The following PDE4D variants were observed in gnomAD, a reference collection of about 807,000 sequenced individuals.
PDE4D encodes the protein 3',5'-cyclic-AMP phosphodiesterase 4D.
In PDE4D, 24 loss-of-function variants were observed where a neutral mutation model predicts 87.4. The ratio of observed to expected loss-of-function variants is 0.27; its 90% CI spans 0.20 to 0.39. The LOEUF (loss-of-function observed/expected upper bound fraction) is 0.39. Among genes scored for constraint, PDE4D ranks in the 10% least tolerant of loss-of-function variants. The pLI, the probability that PDE4D is intolerant of heterozygous loss-of-function variation, is 1.00. For synonymous variants in PDE4D, 384 were observed against 383.2 expected (o/e 1.00, Z -0.02); for missense variants, 714 against 1,041.0 (o/e 0.69, Z 4.32).
At chr5:59,663,181 T>G (rs1345924146) in intron 1 of PDE4D, among the ~76,000 whole-genome samples, 1 of 152,180 alleles carries the variant, frequency 6.6e-6, no homozygotes, top group Non-Finnish European at 1.5e-5. Context: ...TTTTTTTCCT[T>G]TGAGATGGAG....
chr5:59,019,654 C>T (rs1028653394), intron 6 of PDE4D, among the ~76,000 whole-genome samples: 1 of 152,158 alleles, frequency 6.6e-6, no homozygotes, highest in African/African-American at 2.4e-5. Flanking sequence ...GGAATACCAC[C>T]TCTTCCCTAT....
At chr5:59,654,178 T>C (rs1580184529) in intron 1 of PDE4D, among the ~76,000 whole-genome samples, 1 of 151,728 alleles carries the variant, frequency 6.6e-6, no homozygotes, top group African/African-American at 2.4e-5. Context: ...TGAACTCAGC[T>C]TGGGCAACAG....
intron 5 of PDE4D, among the ~76,000 whole-genome samples, chr5:59,145,299 T>C (rs1296243131): frequency 1.3e-5 from 2 of 152,180 alleles, no homozygotes; most frequent in Non-Finnish European, 2.9e-5. Context: ...AAACCCAGGC[T>C]GGCAGGCTGG....
At chr5:60,481,492 A>G (rs1038903178) in intron 1 of PDE4D, among the ~76,000 whole-genome samples, 1 of 152,190 alleles carries the variant, frequency 6.6e-6, no homozygotes, top group Admixed American at 6.6e-5. Context: ...GCTCAACTCC[A>G]TGCAAGAAAA....
intron 1 of PDE4D, among the ~76,000 whole-genome samples, chr5:59,837,435 C>T (rs1742293365): frequency 6.6e-6 from 1 of 152,058 alleles, no homozygotes; most frequent in South Asian, 2.1e-4. Context: ...TCATATATGT[C>T]TAGGTGTTCA....
intron 1 of PDE4D, among the ~76,000 whole-genome samples, chr5:60,281,812 G>A (rs6895120): frequency 1.3e-5 from 2 of 152,038 alleles, no homozygotes; most frequent in African/African-American, 4.8e-5. Flanking sequence ...CCTGAGGCAG[G>A]CAGATGGCTT....
intron 1 of PDE4D, among the ~76,000 whole-genome samples, chr5:59,253,183 T>A (rs959281160): frequency 2.0e-5 from 3 of 152,198 alleles, no homozygotes; most frequent in Admixed American, 6.5e-5. Flanking sequence ...TTATGCTGGC[T>A]TTACAGCAGC....
intron 2 of PDE4D, among the ~76,000 whole-genome samples, chr5:60,125,432 G>A (rs1374211892): frequency 3.2e-4 from 49 of 152,038 alleles, no homozygotes; most frequent in Admixed American, 3.2e-3. Context: ...TCTCCTGCCT[G>A]GAATACTGCA....
intron 1 of PDE4D, among the ~76,000 whole-genome samples, chr5:59,379,146 C>A (rs1421245229): frequency 7.2e-5 from 11 of 152,054 alleles, no homozygotes; most frequent in Admixed American, 7.2e-4. Context: ...AACACCCAAA[C>A]CTGAGACAAA....
At chr5:59,538,217 T>A (rs563425741) in intron 1 of PDE4D, among the ~76,000 whole-genome samples, 3 of 152,326 alleles carry the variant, frequency 2.0e-5, no homozygotes, top group African/African-American at 7.2e-5. Flanking sequence ...CCAATCACTA[T>A]GGGAGTAATC....
At chr5:59,837,328 T>C (rs1742276037) in intron 1 of PDE4D, among the ~76,000 whole-genome samples, 1 of 152,080 alleles carries the variant, frequency 6.6e-6, no homozygotes, top group South Asian at 2.1e-4. Context: ...CTGGAACTAC[T>C]ATGTAGCACT....
chr5:59,199,588 C>T (rs1286071591), intron 2 of PDE4D, among the ~76,000 whole-genome samples: 1 of 151,998 alleles, frequency 6.6e-6, no homozygotes, highest in Non-Finnish European at 1.5e-5. Flanking sequence ...TTTCCTCAGC[C>T]TAAAAACTAT....
chr5:60,052,341 T>C (rs188437085), intron 2 of PDE4D, among the ~76,000 whole-genome samples: 19 of 152,316 alleles, frequency 1.2e-4, no homozygotes, highest in African/African-American at 4.1e-4. Flanking sequence ...TTACGCACCA[T>C]GATCAGGTCA....
chr5:60,196,981 A>G (rs1350081866), intron 1 of PDE4D, among the ~76,000 whole-genome samples: 1 of 151,122 alleles, frequency 6.6e-6, no homozygotes, highest in Non-Finnish European at 1.5e-5. Context: ...GTTCTAAAAC[A>G]TGAACCATTC....
chr5:59,930,772 G>A (rs1463350104), intron 3 of PDE4D, among the ~76,000 whole-genome samples: 3 of 152,090 alleles, frequency 2.0e-5, no homozygotes, highest in African/African-American at 7.2e-5. Context: ...AAGAGAAGCA[G>A]GAATTTTTTA....
intron 1 of PDE4D, among the ~76,000 whole-genome samples, chr5:60,420,966 G>C (rs1743039717): frequency 6.6e-6 from 1 of 152,224 alleles, no homozygotes; most frequent in Non-Finnish European, 1.5e-5. Context: ...CTGCGAGGCA[G>C]CAGCCTGGTG....
intron 1 of PDE4D, among the ~76,000 whole-genome samples, chr5:59,287,500 G>C (rs1767196407): frequency 6.6e-6 from 1 of 152,114 alleles, no homozygotes. Context: ...TTGTCTTGAA[G>C]GGAAGGATAC....
chr5:59,675,756 C>A (rs1272117741), intron 1 of PDE4D, among the ~76,000 whole-genome samples: 1 of 152,126 alleles, frequency 6.6e-6, no homozygotes, highest in Non-Finnish European at 1.5e-5. Flanking sequence ...GTGGCGCAAT[C>A]CTGGCTTACT....
At chr5:59,983,822 C>T (rs545953176) in intron 3 of PDE4D, among the ~76,000 whole-genome samples, 2 of 152,204 alleles carry the variant, frequency 1.3e-5, no homozygotes, top group South Asian at 4.2e-4. Context: ...TATTTGCCTC[C>T]TTATGACTCA....
Sources: gnomAD v4.1 joint callset for allele counts (sites outside exome capture counted in the v4.1 genomes callset) on GRCh38, gnomAD v4.1.1 for gene constraint, MANE v1.5 for transcripts, NCBI Gene and HGNC (gene_info 2026-07-23, HGNC 2026-07-21) for gene names.